TSNARE1: variants seen among roughly 807,000 people sequenced by gnomAD.
TSNARE1 encodes t-SNARE domain containing 1.
Under a neutral mutation model 62.0 loss-of-function variants are expected in TSNARE1, and 49 were observed. The ratio of observed to expected loss-of-function variants is 0.79; its 90% CI spans 0.63 to 1.00. TSNARE1 has a LOEUF of 1.00. TSNARE1 is among the 50% of genes least tolerant of loss of function. The probability of loss-of-function intolerance (pLI) is 0.00; values close to 1 mark genes in which losing one functional copy is unlikely to be tolerated. For synonymous variants in TSNARE1, 328 were observed against 294.4 expected, an observed-to-expected ratio of 1.11 and a Z score of -1.17; for missense variants, 755 against 700.1, an observed-to-expected ratio of 1.08 and a Z score of -0.88.
At chr8:142,224,090 G>A (rs867603712) in intron 13 of TSNARE1, among the ~76,000 whole-genome samples, 3 of 152,184 alleles carry the variant, frequency 2.0e-5, no homozygotes, top group Middle Eastern at 3.2e-3. Context: ...CAGGGTCTCT[G>A]TCCCCATTAC....
chr8:142,231,941 C>T (rs73362791), intron 12 of TSNARE1, among the ~76,000 whole-genome samples: 5,245 of 152,336 alleles, frequency 0.034, 290 homozygotes, highest in African/African-American at 0.12. Flanking sequence ...CCTGTGCCAG[C>T]CCTACTCCCA....
At chr8:142,343,817 AGAG>A in intron 4 of TSNARE1, 146 bp downstream of exon 4, 2 of 197,646 alleles carry the variant, frequency 1.0e-5, no homozygotes, top group Non-Finnish European at 7.1e-6. Context: ...GGAGGAGGGG[AGAG>A]GAGGAGGGGA....
chr8:142,275,899 A>G (rs1341357655), intron 11 of TSNARE1: 8 of 984,980 alleles, frequency 8.1e-6, no homozygotes, highest in Non-Finnish European at 9.6e-6. Context: ...AGACAAGGCC[A>G]CTCCCCACCG....
Position 142,331,751 on chromosome 8 carries a change from C to T in TSNARE1, c.823+3G>A. On this transcript the variant is annotated splice_donor_region_variant and intron_variant, in intron 5 of 13. Coordinates refer to ENST00000524325, the MANE Select transcript of TSNARE1 (RefSeq NM_145003.5). ...GGCAGGCCCAGGCCAGACGCACACT[C>T]ACCACTGGAGTTGATTCGGAAGACG... 1.3e-6 allele frequency: 2 copies of T among 1,593,750 alleles called. No homozygotes were observed. Among genetic ancestry groups the T allele is most frequent in the Non-Finnish European group, 1.7e-6 (2 of 1,170,390 alleles).
In TSNARE1 at chr8:142,318,566, T is replaced by A; in HGVS notation, c.962A>T (p.Glu321Val). ...TACCGGGCAGGAGCTGCGCAGCAGC[T>A]CGGCCATCTGCTTCACGGAGCTGGC... is the stretch of plus-strand genomic sequence containing the variant. The part of the protein sequence containing the change: ...ASASSVKQMA[E>V]LLRSSCPQER... Residue 321 changes from glutamate to valine, a missense_variant, in exon 7 of 14, where the codon GAG becomes GTG. Physicochemically the swap from Glu to Val is moderately radical, Grantham distance 121. Coordinates refer to ENST00000524325, the MANE Select transcript of TSNARE1 (RefSeq NM_145003.5). 1.2e-6 allele frequency: 2 copies of A among 1,613,410 alleles called. No homozygotes were observed. The highest frequency in any genetic ancestry group is 1.6e-4 in the Middle Eastern group (1 of 6,062).
At chr8:142,324,305 C>T (rs1186182554) in intron 6 of TSNARE1, among the ~76,000 whole-genome samples, 1 of 152,246 alleles carries the variant, frequency 6.6e-6, no homozygotes, top group Admixed American at 6.5e-5. Flanking sequence ...AGGCAGGCGG[C>T]TACAGGGTCC....
intron 10 of TSNARE1, among the ~76,000 whole-genome samples, chr8:142,297,416 C>T (rs951888923): frequency 2.2e-4 from 34 of 152,244 alleles, no homozygotes; most frequent in Admixed American, 9.2e-4. Context: ...TGTGTTCACA[C>T]CCCACTAGCC....
intron 11 of TSNARE1, chr8:142,277,159 C>T (rs1820634699): frequency 1.0e-6 from 1 of 985,308 alleles, no homozygotes; most frequent in Non-Finnish European, 1.2e-6. Flanking sequence ...CCTGCAGAGC[C>T]ACAGGCCCTG....
rs377425354 is a variant in TSNARE1 at position 142,279,716 on chromosome 8, G to A, written c.1363+4697C>T. 5.8e-4 allele frequency: 139 copies of A among 239,718 alleles called. 1 individual carries two copies. Among genetic ancestry groups the A allele is most frequent in the African/African-American group, 2.4e-3 (101 of 42,962 alleles). The allele number at this position is 239,718 out of a possible 1,614,324, so 14.8% of individuals were successfully genotyped here. On this transcript the variant is annotated intron_variant, in intron 11 of 13. Transcript: ENST00000524325. ...AGAAGAGATGGGCCAGGAGGGTGGCGGGCCATCTCCATGGGCCTCTGGGTC... is the reference window on the plus strand; with the variant it reads ...AGAAGAGATGGGCCAGGAGGGTGGCAGGCCATCTCCATGGGCCTCTGGGTC...
intron 12 of TSNARE1, among the ~76,000 whole-genome samples, chr8:142,236,407 G>A (rs964427579): frequency 6.6e-6 from 1 of 151,938 alleles, no homozygotes; most frequent in Non-Finnish European, 1.5e-5. Flanking sequence ...CCGAGGTGGC[G>A]TGACCGTCCC....
intron 2 of TSNARE1, among the ~76,000 whole-genome samples, chr8:142,347,848 C>T (rs1168607232): frequency 6.6e-6 from 1 of 151,454 alleles, no homozygotes; most frequent in Admixed American, 6.6e-5. Flanking sequence ...GCCATCACCT[C>T]GCCACACTGC....
intron 6 of TSNARE1, 76 bp downstream of exon 6, chr8:142,330,825 G>C: frequency 6.8e-7 from 1 of 1,472,844 alleles, no homozygotes; most frequent in Non-Finnish European, 9.5e-7. Context: ...GTGTGCACAG[G>C]AGGACCACAC....
At chr8:142,382,780 T>C (rs1254453514) in intron 1 of TSNARE1, among the ~76,000 whole-genome samples, 1 of 152,242 alleles carries the variant, frequency 6.6e-6, no homozygotes, top group Non-Finnish European at 1.5e-5. Context: ...CTAGGGCCAG[T>C]GGCCGTCACT....
At chr8:142,345,160 C>T (rs765300129) in intron 3 of TSNARE1, among the ~76,000 whole-genome samples, 5 of 152,236 alleles carry the variant, frequency 3.3e-5, no homozygotes, top group Non-Finnish European at 5.9e-5. Flanking sequence ...TGCTCACAGA[C>T]GAGCTTTTTC....
chr8:142,269,699 C>T (rs1379737195), intron 12 of TSNARE1: 2 of 985,190 alleles, frequency 2.0e-6, no homozygotes, highest in Non-Finnish European at 2.4e-6. Context: ...GGTGGTGGGA[C>T]TGAGGTCATC....
intron 6 of TSNARE1, among the ~76,000 whole-genome samples, chr8:142,323,562 G>A (rs372860376): frequency 1.6e-4 from 24 of 152,368 alleles, no homozygotes; most frequent in African/African-American, 4.8e-4. Flanking sequence ...GGGTCCCACT[G>A]GAGGGGGCTC....
chr8:142,406,337 CT>C (rs1315455456), upstream of TSNARE1: 1 of 152,292 alleles, frequency 6.6e-6, no homozygotes, highest in Non-Finnish European at 1.5e-5. Flanking sequence ...ATTTGGGCTC[CT>C]AAGCTCACGG....
intron 1 of TSNARE1, among the ~76,000 whole-genome samples, chr8:142,400,200 T>C (rs1177495928): frequency 1.3e-5 from 2 of 151,864 alleles, no homozygotes; most frequent in African/African-American, 4.8e-5. Flanking sequence ...TCCCAGCACT[T>C]TGGGAGGCTG....
chr8:142,218,117 G>T (rs1816015361), intron 13 of TSNARE1, among the ~76,000 whole-genome samples: 1 of 125,576 alleles, frequency 8.0e-6, no homozygotes, highest in Non-Finnish European at 1.7e-5. Context: ...GTGTGACCAG[G>T]ATCAGGGCTC....
Sources: allele counts gnomAD v4.1 joint callset (sites outside exome capture counted in the v4.1 genomes callset), GRCh38; gene constraint gnomAD v4.1.1; transcripts MANE v1.5; gene names NCBI Gene and HGNC (gene_info 2026-07-23, HGNC 2026-07-21).